QTMAN: variants seen among roughly 807,000 people sequenced by gnomAD.
The protein encoded by QTMAN is queuosine-tRNA mannosyltransferase.
chr2:144,078,014 A>AC, the QTMAN span, among the ~76,000 whole-genome samples: 2 of 152,234 alleles, frequency 1.3e-5, no homozygotes, highest in Non-Finnish European at 2.9e-5. Flanking sequence ...AAAATTATTT[A>AC]ATGTTTATTT....
the QTMAN span, among the ~76,000 whole-genome samples, chr2:144,067,395 C>T: frequency 6.6e-6 from 1 of 152,168 alleles, no homozygotes; most frequent in South Asian, 2.1e-4. Context: ...ACCTGGTTTG[C>T]TCTTCATAAG....
chr2:143,948,237 G>T, the QTMAN span, among the ~76,000 whole-genome samples: 1 of 152,134 alleles, frequency 6.6e-6, no homozygotes, highest in Non-Finnish European at 1.5e-5. Context: ...GGCAATGAGT[G>T]TGAATTGTAA....
chr2:144,097,580 G>A, the QTMAN span, among the ~76,000 whole-genome samples: 3 of 152,106 alleles, frequency 2.0e-5, no homozygotes. Context: ...GGTGGGAAGG[G>A]GAGGGAACGA....
chr2:144,046,936 G>C, the QTMAN span, among the ~76,000 whole-genome samples: 1 of 152,136 alleles, frequency 6.6e-6, no homozygotes, highest in African/African-American at 2.4e-5. Flanking sequence ...TATCACATTA[G>C]CTAATTGAAC....
the QTMAN span, among the ~76,000 whole-genome samples, chr2:144,183,911 G>C: frequency 6.6e-6 from 1 of 152,096 alleles, no homozygotes; most frequent in Non-Finnish European, 1.5e-5. Context: ...GTGGCGCTTA[G>C]AGCTCATTGA....
At chr2:144,274,678 T>C in the QTMAN span, among the ~76,000 whole-genome samples, 1 of 152,192 alleles carries the variant, frequency 6.6e-6, no homozygotes, top group African/African-American at 2.4e-5. Context: ...CCACCAGACT[T>C]GTCCTATGCA....
the QTMAN span, among the ~76,000 whole-genome samples, chr2:144,072,275 A>C: frequency 2.0e-5 from 3 of 152,292 alleles, no homozygotes; most frequent in East Asian, 1.9e-4. Context: ...TTTTCCCTAT[A>C]ACTTATATCT....
chr2:144,116,333 G>T, the QTMAN span, among the ~76,000 whole-genome samples: 2 of 146,774 alleles, frequency 1.4e-5, no homozygotes. Flanking sequence ...TTATGTGAGG[G>T]GTGTGTGTGT....
chr2:144,031,033 C>T, the QTMAN span, among the ~76,000 whole-genome samples: 3 of 152,144 alleles, frequency 2.0e-5, no homozygotes, highest in South Asian at 6.2e-4. Context: ...TGGGAACAAA[C>T]GTTCCTGCCA....
chr2:144,056,789 C>T, the QTMAN span, among the ~76,000 whole-genome samples: 5 of 152,272 alleles, frequency 3.3e-5, no homozygotes, highest in East Asian at 9.6e-4. Flanking sequence ...GAAGGAGCTC[C>T]GTGAACCTGG....
chr2:144,282,958 C>A, the QTMAN span, among the ~76,000 whole-genome samples: 2 of 152,196 alleles, frequency 1.3e-5, no homozygotes, highest in Non-Finnish European at 2.9e-5. Flanking sequence ...TGAATACATC[C>A]ACGTGCTCAG....
the QTMAN span, among the ~76,000 whole-genome samples, chr2:144,317,003 TACTC>T: frequency 6.6e-6 from 1 of 152,202 alleles, no homozygotes; most frequent in Non-Finnish European, 1.5e-5. Flanking sequence ...CAAAATGTCT[TACTC>T]AATGTCTGGC....
At chr2:144,191,429 T>C in the QTMAN span, among the ~76,000 whole-genome samples, 6 of 152,220 alleles carry the variant, frequency 3.9e-5, no homozygotes, top group South Asian at 2.1e-4. Context: ...AAAAGGAAAA[T>C]AGAAAGTAGA....
the QTMAN span, among the ~76,000 whole-genome samples, chr2:144,154,694 A>G: frequency 6.6e-6 from 1 of 152,180 alleles, no homozygotes; most frequent in East Asian, 1.9e-4. Flanking sequence ...TAACTATTCT[A>G]TGTGGTTCTC....
the QTMAN span, among the ~76,000 whole-genome samples, chr2:144,132,295 C>T: frequency 6.6e-6 from 1 of 152,096 alleles, no homozygotes; most frequent in East Asian, 1.9e-4. Flanking sequence ...GAATTTTCTA[C>T]ATAACAAAAT....
At chr2:144,272,030 T>C in the QTMAN span, among the ~76,000 whole-genome samples, 1 of 152,172 alleles carries the variant, frequency 6.6e-6, no homozygotes, top group Non-Finnish European at 1.5e-5. Context: ...TGTGATTGCT[T>C]TTATAGAATG....
chr2:144,221,506 T>C, the QTMAN span, among the ~76,000 whole-genome samples: 8 of 152,196 alleles, frequency 5.3e-5, no homozygotes, highest in Non-Finnish European at 1.0e-4. Context: ...AAAGAGTACA[T>C]GCACACACGC....
chr2:144,257,662 T>C, the QTMAN span, among the ~76,000 whole-genome samples: 1 of 152,186 alleles, frequency 6.6e-6, no homozygotes, highest in South Asian at 2.1e-4. Context: ...AATTTATCAC[T>C]TGCACTTCAT....
chr2:144,231,918 T>G, the QTMAN span, among the ~76,000 whole-genome samples: 15 of 148,362 alleles, frequency 1.0e-4, no homozygotes, highest in African/African-American at 2.9e-4. Context: ...AATGTTAACA[T>G]TATCAGACCT....
Sources: allele counts gnomAD v4.1 joint callset (sites outside exome capture counted in the v4.1 genomes callset), GRCh38; gene constraint gnomAD v4.1.1; transcripts MANE v1.5; gene names NCBI Gene and HGNC (gene_info 2026-07-23, HGNC 2026-07-21).